The following OR2C1 variants were observed in gnomAD, a reference collection of about 807,000 sequenced individuals.
The protein encoded by OR2C1 is olfactory receptor family 2 subfamily C member 1.
For missense variants in OR2C1, 468 were observed against 388.3 expected (o/e 1.21, Z -1.73); for synonymous variants, 209 against 167.3 (o/e 1.25, Z -1.92).
the OR2C1 span, among the ~76,000 whole-genome samples, chr16:3,341,846 C>T: frequency 1.3e-5 from 2 of 152,186 alleles, no homozygotes; most frequent in African/African-American, 2.4e-5. Flanking sequence ...TTCAGCTCCT[C>T]TCTCCTCCAT....
upstream of OR2C1, among the ~76,000 whole-genome samples, chr16:3,355,558 G>A (rs2030651701): frequency 6.6e-6 from 1 of 151,806 alleles, no homozygotes; most frequent in Non-Finnish European, 1.5e-5. Flanking sequence ...GAGGCAGATG[G>A]ATCACTTGAG....
chr16:3,339,012 G>C, the OR2C1 span, among the ~76,000 whole-genome samples: 1 of 152,168 alleles, frequency 6.6e-6, no homozygotes, highest in South Asian at 2.1e-4. Context: ...TTAACTCCCT[G>C]TTTTCCCCTC....
chr16:3,332,807 A>T, the OR2C1 span, among the ~76,000 whole-genome samples: 121,833 of 151,490 alleles, frequency 0.8, 49,031 homozygotes, highest in East Asian at 0.94. Context: ...GTTTCACATT[A>T]TGGCTTTTAT....
chr16:3,328,037 T>G, the OR2C1 span, among the ~76,000 whole-genome samples: 1 of 152,228 alleles, frequency 6.6e-6, no homozygotes, highest in Non-Finnish European at 1.5e-5. Flanking sequence ...ACTTTCTTCC[T>G]CATTTGTTAT....
the OR2C1 span, chr16:3,323,109 T>TA: frequency 1.4e-4 from 79 of 548,690 alleles, 1 homozygote; most frequent in South Asian, 5.8e-4. Context: ...AGATACTTGA[T>TA]AAAAAAAATC....
the OR2C1 span, among the ~76,000 whole-genome samples, chr16:3,338,588 A>G: frequency 8.0e-6 from 1 of 124,728 alleles, no homozygotes; most frequent in Non-Finnish European, 1.6e-5. Context: ...CCCCGGCTGG[A>G]GTGCAGTGGC....
the OR2C1 span, among the ~76,000 whole-genome samples, chr16:3,324,172 G>A: frequency 6.6e-6 from 1 of 152,130 alleles, no homozygotes; most frequent in African/African-American, 2.4e-5. Flanking sequence ...TTGTTACACA[G>A]AAGAGTTAGG....
the OR2C1 span, among the ~76,000 whole-genome samples, chr16:3,341,005 T>G: frequency 7.9e-5 from 12 of 151,882 alleles, no homozygotes; most frequent in East Asian, 1.7e-3. Flanking sequence ...CCACTGAAAA[T>G]TTTTTTAGGG....
chr16:3,346,141 T>C, the OR2C1 span, among the ~76,000 whole-genome samples: 2 of 152,144 alleles, frequency 1.3e-5, no homozygotes, highest in East Asian at 1.9e-4. Context: ...GCCTGATTTT[T>C]CTTCATAACA....
chr16:3,341,686 A>G, the OR2C1 span, among the ~76,000 whole-genome samples: 1 of 152,212 alleles, frequency 6.6e-6, no homozygotes, highest in Non-Finnish European at 1.5e-5. Context: ...TATATAGGGT[A>G]AGGTCTGCAA....
downstream of OR2C1, among the ~76,000 whole-genome samples, chr16:3,357,719 C>A (rs988381391): frequency 1.3e-5 from 2 of 152,110 alleles, no homozygotes; most frequent in Non-Finnish European, 2.9e-5. Context: ...CAGTGGCTCA[C>A]ACCTGTAATC....
At chr16:3,342,128 GTAGTCCCAGCTGCC>G in the OR2C1 span, among the ~76,000 whole-genome samples, 5 of 152,130 alleles carry the variant, frequency 3.3e-5, no homozygotes, top group Non-Finnish European at 5.9e-5. Flanking sequence ...GCACACGTCT[GTAGTCCCAGCTGCC>G]TGGGAGGCTG....
the OR2C1 span, among the ~76,000 whole-genome samples, chr16:3,332,079 G>A: frequency 8.2e-6 from 1 of 121,868 alleles, no homozygotes; most frequent in Non-Finnish European, 1.7e-5. Context: ...CCTGTTGTGG[G>A]GTGGGGGGAG....
the OR2C1 span, among the ~76,000 whole-genome samples, chr16:3,327,369 A>T: frequency 6.6e-6 from 1 of 152,126 alleles, no homozygotes; most frequent in Non-Finnish European, 1.5e-5. Flanking sequence ...TCTCTGCCCT[A>T]AACCATCTTT....
chr16:3,344,986 C>G, the OR2C1 span, among the ~76,000 whole-genome samples: 1 of 151,898 alleles, frequency 6.6e-6, no homozygotes, highest in Non-Finnish European at 1.5e-5. Flanking sequence ...TAAATATGCT[C>G]ATTACAGCAT....
At chr16:3,343,077 G>A in the OR2C1 span, among the ~76,000 whole-genome samples, 1 of 152,156 alleles carries the variant, frequency 6.6e-6, no homozygotes, top group African/African-American at 2.4e-5. Context: ...TAATGTGAGG[G>A]CAGGAGGTAG....
the OR2C1 span, among the ~76,000 whole-genome samples, chr16:3,346,571 T>C: frequency 5.9e-5 from 9 of 151,546 alleles, no homozygotes; most frequent in African/African-American, 2.2e-4. Context: ...TTAAAAAATG[T>C]TTAACTTAAA....
the OR2C1 span, among the ~76,000 whole-genome samples, chr16:3,325,139 G>T: frequency 2.0e-5 from 3 of 152,032 alleles, no homozygotes; most frequent in East Asian, 5.8e-4. Flanking sequence ...CTGCCACCAG[G>T]CCCAGCTAAT....
Position 3,356,747 on chromosome 16 carries a change from C to T in OR2C1, c.807C>T (p.Asp269=). ...YLLPAKNSKQ[D]QGKFISLFYS... is the part of the protein sequence containing the mutation. ...TTCCGGCCAAGAACAGCAAACAGGACCAGGGCAAGTTCATTTCCCTGTTCT... is the reference window on the plus strand; with the variant it reads ...TTCCGGCCAAGAACAGCAAACAGGATCAGGGCAAGTTCATTTCCCTGTTCT... Residue 269 remains aspartate (D), a synonymous_variant, in exon 1 of 1, where the codon GAC becomes GAT. Coordinates refer to ENST00000304936, the MANE Select transcript of OR2C1 (RefSeq NM_012368.3). 1 of 1,613,538 alleles carries T rather than the reference C, an allele frequency of 6.2e-7. No individual in the cohort carries two copies. The highest frequency in any genetic ancestry group is 8.5e-7 in the Non-Finnish European group (1 of 1,179,682).
Sources: gnomAD v4.1 joint callset for allele counts (sites outside exome capture counted in the v4.1 genomes callset) on GRCh38, gnomAD v4.1.1 for gene constraint, MANE v1.5 for transcripts, NCBI Gene and HGNC (gene_info 2026-07-23, HGNC 2026-07-21) for gene names.